TLN2: variants seen among roughly 807,000 people sequenced by gnomAD.
TLN2 encodes talin 2.
In TLN2, 118 loss-of-function variants were observed where a neutral mutation model predicts 294.7. The observed-to-expected ratio is 0.40, with a 90% CI of 0.34 to 0.47. The LOEUF (loss-of-function observed/expected upper bound fraction) is 0.47. Among genes scored for constraint, TLN2 ranks in the 20% least tolerant of loss-of-function variants. TLN2 has a pLI of 0.84. For missense variants in TLN2, 3,083 were observed against 3,282.2 expected (o/e 0.94, Z 1.48); for synonymous variants, 1,431 against 1,304.5 (o/e 1.10, Z -2.09).
In TLN2 at chr15:62,421,285, T is replaced by C. The variant is rs112512161; in HGVS notation, c.-238+30600T>C. Among the ~76,000 whole-genome samples, 1,352 of 152,256 alleles carry C rather than the reference T, an allele frequency of 8.9e-3. 23 individuals carry two copies. Among genetic ancestry groups the C allele is most frequent in the African/African-American group, 0.031 (1,278 of 41,558 alleles). On this transcript the variant is annotated intron_variant, in intron 1 of 58. Coordinates refer to ENST00000636159, the MANE Select transcript of TLN2 (RefSeq NM_015059.3). ...TGCTGGCCTCAGGAGATCTGCCCGC[T>C]TTGGCCTTCCCAAGTGCTGAGATTA...
chr15:62,789,557 G>A (rs2064931819), intron 45 of TLN2, among the ~76,000 whole-genome samples: 1 of 152,204 alleles, frequency 6.6e-6, no homozygotes, highest in Admixed American at 6.5e-5. Flanking sequence ...CAAAAGTGTT[G>A]TTGAGGATGT....
intron 11 of TLN2, among the ~76,000 whole-genome samples, 189 bp downstream of exon 11, chr15:62,675,510 G>C (rs1369562676): frequency 2.0e-5 from 3 of 152,222 alleles, no homozygotes; most frequent in Non-Finnish European, 4.4e-5. Flanking sequence ...GCTGGTGAGT[G>C]AGCGCTGCTG....
At chr15:62,652,842 C>A (rs866187541) in intron 6 of TLN2, among the ~76,000 whole-genome samples, 1 of 152,008 alleles carries the variant, frequency 6.6e-6, no homozygotes, top group Non-Finnish European at 1.5e-5. Context: ...ATTGTAGTGA[C>A]AATAACCCTG....
chr15:62,777,247 TC>T (rs1567583858), intron 43 of TLN2, among the ~76,000 whole-genome samples: 6 of 151,908 alleles, frequency 3.9e-5, no homozygotes, highest in Non-Finnish European at 8.8e-5. Context: ...TAAAAGTGAT[TC>T]CCGCCCGGCC....
At chr15:62,598,181 T>C (rs367715514) in intron 2 of TLN2, among the ~76,000 whole-genome samples, 7 of 152,344 alleles carry the variant, frequency 4.6e-5, no homozygotes, top group African/African-American at 1.7e-4. Context: ...CACTGACATT[T>C]CACACACAAA....
chr15:62,762,174 AG>A, intron 38 of TLN2, 97 bp from the exon 39 acceptor site: 1 of 1,339,004 alleles, frequency 7.5e-7, no homozygotes, highest in Non-Finnish European at 1.1e-6. Flanking sequence ...TTCAAAGGGC[AG>A]AGGTGGTGAT....
intron 1 of TLN2, among the ~76,000 whole-genome samples, chr15:62,587,726 C>T (rs1256872183): frequency 1.3e-5 from 2 of 152,134 alleles, no homozygotes; most frequent in East Asian, 3.9e-4. Flanking sequence ...AAAGGGCATG[C>T]CATCTTATAT....
chr15:62,706,191 T>G (rs551927317), intron 19 of TLN2, among the ~76,000 whole-genome samples: 1 of 145,722 alleles, frequency 6.9e-6, no homozygotes, highest in East Asian at 2.0e-4. Flanking sequence ...ATGGCTCATA[T>G]GTTTGGGAAG....
Position 62,640,969 on chromosome 15 carries a change from T to C in TLN2, c.-36-6306T>C, listed in dbSNP as rs530612171. On this transcript the variant is annotated intron_variant, in intron 3 of 58. Coordinates refer to ENST00000636159, the MANE Select transcript of TLN2 (RefSeq NM_015059.3). ...GGCGCCCGCCACCATGCTCGGCTAA[T>C]TTTTGTATTTTTGGTAGAGATGGGA... Among the ~76,000 whole-genome samples, 282 of 152,022 alleles carry C rather than the reference T, an allele frequency of 1.9e-3. 11 individuals are homozygous for C. In the South Asian group the frequency reaches 0.057, roughly 31 times the overall value.
rs10631705 is a variant in TLN2, at chr15:62,693,605, G to GTT, written c.1215+673_1215+674dup. Among the ~76,000 whole-genome samples, 1,447 of 149,044 alleles carry GTT rather than the reference G, an allele frequency of 9.7e-3. 27 individuals are homozygous for GTT. The highest frequency in any genetic ancestry group is 0.032 in the African/African-American group (1,320 of 40,890). On this transcript the variant is annotated intron_variant, in intron 13 of 58. Transcript: ENST00000636159. ...CAAAAATGATCTTTGTAGTTTTCAT[G>GTT]TTTTTTTTTTAAACAAATGTAATGG...
At chr15:62,548,158 G>A (rs554330247) in intron 1 of TLN2, among the ~76,000 whole-genome samples, 8 of 152,218 alleles carry the variant, frequency 5.3e-5, no homozygotes, top group East Asian at 3.9e-4. Context: ...GTCTGCCCTC[G>A]GAGGGATTAG....
chr15:62,734,270 A>G (rs1429126273), intron 28 of TLN2, among the ~76,000 whole-genome samples: 1 of 152,230 alleles, frequency 6.6e-6, no homozygotes, highest in Non-Finnish European at 1.5e-5. Flanking sequence ...CCAAACTTAC[A>G]TATGACTCAA....
At chr15:62,663,677 T>C (rs2054178683) in intron 9 of TLN2, among the ~76,000 whole-genome samples, 1 of 151,926 alleles carries the variant, frequency 6.6e-6, no homozygotes, top group South Asian at 2.1e-4. Context: ...CCTTTTATAG[T>C]AGTTACAAAA....
At chr15:62,808,178 C>A (rs1351828295) in intron 51 of TLN2, among the ~76,000 whole-genome samples, 1 of 152,188 alleles carries the variant, frequency 6.6e-6, no homozygotes, top group African/African-American at 2.4e-5. Context: ...GAAAGACTTA[C>A]CTAAACCCTA....
chr15:62,436,396 G>T (rs1445471791), intron 1 of TLN2, among the ~76,000 whole-genome samples: 1 of 152,238 alleles, frequency 6.6e-6, no homozygotes, highest in Non-Finnish European at 1.5e-5. Flanking sequence ...CTGGCCTGGG[G>T]TGAGGCAGAG....
intron 1 of TLN2, among the ~76,000 whole-genome samples, chr15:62,570,903 CTGTGTGTGTG>C (rs58523803): frequency 0.011 from 1,587 of 143,914 alleles, 20 homozygotes; most frequent in African/African-American, 0.036. Flanking sequence ...GCACAGGCAT[CTGTGTGTGTG>C]TGTGTGTGTG....
intron 1 of TLN2, among the ~76,000 whole-genome samples, chr15:62,559,733 A>C (rs147532800): frequency 1.3e-4 from 20 of 152,346 alleles, no homozygotes; most frequent in African/African-American, 4.8e-4. Context: ...TTTGGAAACA[A>C]AGGGCCTTGG....
chr15:62,623,836 C>A (rs749527996), intron 3 of TLN2, among the ~76,000 whole-genome samples: 1 of 152,194 alleles, frequency 6.6e-6, no homozygotes, highest in Non-Finnish European at 1.5e-5. Flanking sequence ...GAGAGAAAGG[C>A]ATATGGACTC....
chr15:62,639,895 C>T (rs76068050), intron 3 of TLN2, among the ~76,000 whole-genome samples: 2,816 of 152,310 alleles, frequency 0.018, 101 homozygotes, highest in African/African-American at 0.065. Flanking sequence ...ATGGGATGCC[C>T]TGCTTCCTTC....
Sources: allele counts gnomAD v4.1 joint callset (sites outside exome capture counted in the v4.1 genomes callset), GRCh38; gene constraint gnomAD v4.1.1; transcripts MANE v1.5; gene names NCBI Gene and HGNC (gene_info 2026-07-23, HGNC 2026-07-21).